CACNA1E: variants seen among roughly 807,000 people sequenced by gnomAD.
CACNA1E encodes voltage-dependent R-type calcium channel subunit alpha-1E.
In CACNA1E, 40 loss-of-function variants were observed where a neutral mutation model predicts 259.2. The ratio of observed to expected loss-of-function variants is 0.15; its 90% CI spans 0.12 to 0.20. The LOEUF is 0.20. Ranked by LOEUF, CACNA1E falls within the 10% of genes least tolerant of loss-of-function variation. CACNA1E has a pLI of 1.00. For synonymous variants in CACNA1E, 1,104 were observed against 1,138.5 expected, an observed-to-expected ratio of 0.97 and a Z score of 0.61; for missense variants, 1,874 against 3,040.1, an observed-to-expected ratio of 0.62 and a Z score of 9.02.
At chr1:181,512,809 G>A (rs1316781281) in intron 3 of CACNA1E, among the ~76,000 whole-genome samples, 6 of 152,158 alleles carry the variant, frequency 3.9e-5, no homozygotes, top group Non-Finnish European at 8.8e-5. Flanking sequence ...GGATTTTCTG[G>A]AGGTTAGTTT....
chr1:181,623,323 C>T (rs1035571070), intron 6 of CACNA1E, among the ~76,000 whole-genome samples: 3 of 152,102 alleles, frequency 2.0e-5, no homozygotes, highest in Admixed American at 2.0e-4. Context: ...AAATAAGTTC[C>T]TTAAGGACAA....
At position 181,665,094 on chromosome 1, in the gene CACNA1E, A is replaced by G. The variant is rs559431485; in HGVS notation, c.1055+13653A>G. 2.0e-5 allele frequency among the ~76,000 whole-genome samples: 3 copies of G among 152,178 alleles called. No homozygotes were observed. In the South Asian group the frequency reaches 6.2e-4, roughly 32 times the overall value. On this transcript the variant is annotated intron_variant, in intron 7 of 47. Coordinates refer to ENST00000367573, the MANE Select transcript of CACNA1E (RefSeq NM_001205293.3). ...GAAACATCCTTGTAGCTCCTCAGCC[A>G]TGCTCTAACTTAGTATAGGTAAATC...
chr1:181,553,522 A>G (rs930393835), intron 3 of CACNA1E, among the ~76,000 whole-genome samples: 19 of 152,324 alleles, frequency 1.2e-4, no homozygotes, highest in African/African-American at 4.6e-4. Context: ...TGCCCTGGCC[A>G]GAACTTCCAA....
rs551001544 is a variant in CACNA1E at position 181,756,815 on chromosome 1, G to C, written c.4128-110G>C. 7.1e-5 allele frequency: 53 copies of C among 749,018 alleles called. No homozygotes were observed. In the African/African-American group the frequency reaches 7.5e-4, roughly 11 times the overall value. 46.4% of individuals were successfully genotyped at this position (749,018 alleles called of 1,614,324 possible). On this transcript the variant is annotated intron_variant, in intron 29 of 47. Transcript: ENST00000367573. ...TTTGGACTCAAAAAAAATTAATGGAGGATCTGCAAAGTCAAAGAAGTCAGA... is the reference window on the plus strand; with the variant it reads ...TTTGGACTCAAAAAAAATTAATGGACGATCTGCAAAGTCAAAGAAGTCAGA...
At chr1:181,784,600 C>A in intron 40 of CACNA1E, 61 bp from the exon 41 acceptor site, 2 of 1,152,630 alleles carry the variant, frequency 1.7e-6, no homozygotes, top group South Asian at 1.4e-5. Context: ...CCTTCACCTC[C>A]TCCCTCAGTC....
rs989722755 is a variant in CACNA1E at position 181,792,612 on chromosome 1, C to T, written c.5899-1053C>T. 5.3e-5 allele frequency among the ~76,000 whole-genome samples: 8 copies of T among 152,136 alleles called. No individual in the cohort carries two copies. In the South Asian group the frequency reaches 6.2e-4, roughly 12 times the overall value. On this transcript the variant is annotated intron_variant, in intron 44 of 47. Transcript: ENST00000367573. ...TACCCCTGCCATACACACCAGAAACCGCTCAGCCAAATGGTCACATAGGCT... is the reference window on the plus strand; with the variant it reads ...TACCCCTGCCATACACACCAGAAACTGCTCAGCCAAATGGTCACATAGGCT...
intron 6 of CACNA1E, among the ~76,000 whole-genome samples, chr1:181,642,905 T>C (rs199955): frequency 0.77 from 116,530 of 151,460 alleles, 45,599 homozygotes; most frequent in East Asian, 0.95. Flanking sequence ...CTAATAATCA[T>C]TTTTTTCAAA....
At position 181,485,330 on chromosome 1, in the gene CACNA1E, C is replaced by T. The variant is rs1558042963; in HGVS notation, c.266+1320C>T. Among the ~76,000 whole-genome samples, 1 of 152,212 alleles carries T rather than the reference C, an allele frequency of 6.6e-6. No homozygotes were observed. ...CCTGGGCATCTCCCTACTCCCCCAA[C>T]CCCAGTCTCTGGCCTTCCCCTTCTT... On this transcript the variant is annotated intron_variant, in intron 1 of 47. Coordinates refer to ENST00000367573, the MANE Select transcript of CACNA1E (RefSeq NM_001205293.3). The surrounding 1 kb of genome is among the most constrained non-coding windows in gnomAD (Gnocchi z 4.2).
intron 6 of CACNA1E, among the ~76,000 whole-genome samples, chr1:181,639,967 G>A (rs151186137): frequency 6.6e-6 from 1 of 152,302 alleles, no homozygotes; most frequent in African/African-American, 2.4e-5. Context: ...GAAATATGGA[G>A]TCTGAGTGGG....
chr1:181,406,458 G>A (rs921747494), intron 1 of CACNA1E, among the ~76,000 whole-genome samples: 4 of 151,930 alleles, frequency 2.6e-5, no homozygotes, highest in African/African-American at 7.2e-5. Context: ...GTGAAGTGGC[G>A]CGATCTCGGC....
chr1:181,386,491 C>A (rs1448572606), intron 1 of CACNA1E, among the ~76,000 whole-genome samples: 2 of 152,138 alleles, frequency 1.3e-5, no homozygotes, highest in Admixed American at 6.5e-5. Flanking sequence ...TCTAGGTCAT[C>A]TGAAGGACAC....
intron 1 of CACNA1E, among the ~76,000 whole-genome samples, chr1:181,492,211 G>C (rs1427922247): frequency 6.6e-6 from 1 of 152,192 alleles, no homozygotes; most frequent in African/African-American, 2.4e-5. Context: ...TTGGCATATA[G>C]TATAATGACA....
intron 6 of CACNA1E, among the ~76,000 whole-genome samples, chr1:181,635,827 C>A (rs954699815): frequency 2.3e-4 from 35 of 152,320 alleles, no homozygotes; most frequent in Non-Finnish European, 3.2e-4. Flanking sequence ...ATTCATAGAA[C>A]AGATGTTTAT....
chr1:181,583,864 T>A (rs1651796190), intron 6 of CACNA1E, among the ~76,000 whole-genome samples: 2 of 152,152 alleles, frequency 1.3e-5, no homozygotes, highest in African/African-American at 2.4e-5. Context: ...TTCTGGCTAT[T>A]GCTACCTGTT....
At chr1:181,360,393 A>G (rs971639344) in intron 1 of CACNA1E, among the ~76,000 whole-genome samples, 6 of 152,256 alleles carry the variant, frequency 3.9e-5, no homozygotes, top group Non-Finnish European at 8.8e-5. Flanking sequence ...TGTCATATCC[A>G]TACAAAGAAT....
chr1:181,804,866 G>T lies in CACNA1E; in HGVS notation c.*6032G>T, dbSNP rs1177220326. 6.7e-6 allele frequency: 1 copy of T among 148,666 alleles called. No individual in the cohort carries two copies. The highest frequency in any genetic ancestry group is 2.5e-5 in the African/African-American group (1 of 40,268). 9.2% of individuals were successfully genotyped at this position (148,666 alleles called of 1,614,324 possible). ...TTAATGGAATCTGAATCCAAGATTT[G>T]CTTTAATTTCACTCTATTCTTCCCA... On this transcript the variant is annotated 3_prime_UTR_variant, in exon 48 of 48. Transcript: ENST00000367573.
intron 7 of CACNA1E, among the ~76,000 whole-genome samples, chr1:181,691,739 T>G (rs1243256879): frequency 6.6e-6 from 1 of 152,130 alleles, no homozygotes; most frequent in African/African-American, 2.4e-5. Flanking sequence ...GCTGGAAGCA[T>G]TCCTCTTGAG....
At chr1:181,607,003 A>G (rs1409128102) in intron 6 of CACNA1E, among the ~76,000 whole-genome samples, 1 of 152,170 alleles carries the variant, frequency 6.6e-6, no homozygotes, top group Non-Finnish European at 1.5e-5. Context: ...ACTTACCACC[A>G]TTGTAACACT....
intron 7 of CACNA1E, among the ~76,000 whole-genome samples, chr1:181,688,705 T>G (rs1650832097): frequency 6.6e-6 from 1 of 152,164 alleles, no homozygotes; most frequent in African/African-American, 2.4e-5. Context: ...TACAATACAT[T>G]GATATTAATT....
Sources: gnomAD v4.1 joint callset for allele counts (sites outside exome capture counted in the v4.1 genomes callset) on GRCh38, gnomAD v4.1.1 for gene constraint, Gnocchi (gnomAD v3.1) non-coding constraint, MANE v1.5 for transcripts, NCBI Gene and HGNC (gene_info 2026-07-23, HGNC 2026-07-21) for gene names.